CDH12: variants seen among roughly 807,000 people sequenced by gnomAD.
The protein encoded by CDH12 is cadherin 12.
Under a neutral mutation model 74.1 loss-of-function variants are expected in CDH12, and 41 were observed. The observed-to-expected ratio is 0.55, with a 90% CI of 0.43 to 0.72. The LOEUF (loss-of-function observed/expected upper bound fraction) is 0.72, where lower values mean the gene tolerates loss of function less well. CDH12 is among the 30% of genes least tolerant of loss of function. The probability of loss-of-function intolerance (pLI) is 0.00; values close to 1 mark genes in which losing one functional copy is unlikely to be tolerated. For synonymous variants in CDH12, 399 were observed against 355.0 expected (o/e 1.12, Z -1.39); for missense variants, 945 against 977.2 (o/e 0.97, Z 0.44).
chr5:22,516,820 T>C (rs1291877242), intron 1 of CDH12, among the ~76,000 whole-genome samples: 1 of 151,400 alleles, frequency 6.6e-6, no homozygotes, highest in African/African-American at 2.4e-5. Context: ...AGTAAAATTG[T>C]GGCATATTAA....
intron 3 of CDH12, among the ~76,000 whole-genome samples, chr5:22,326,230 T>A (rs1313219612): frequency 2.1e-5 from 1 of 47,086 alleles, no homozygotes; most frequent in Non-Finnish European, 4.5e-5. Flanking sequence ...AGTTGGCTAT[T>A]TTTTTTTTTT....
At chr5:22,609,059 T>C (rs1737263954) in intron 1 of CDH12, among the ~76,000 whole-genome samples, 1 of 152,084 alleles carries the variant, frequency 6.6e-6, no homozygotes, top group Non-Finnish European at 1.5e-5. Flanking sequence ...CCAGATTGTG[T>C]GCATGCATGT....
intron 2 of CDH12, among the ~76,000 whole-genome samples, chr5:22,453,277 T>C (rs980901363): frequency 2.3e-4 from 35 of 152,114 alleles, no homozygotes; most frequent in Admixed American, 2.0e-4. Flanking sequence ...AAGAAATGTT[T>C]GTAGTCCTGT....
intron 6 of CDH12, among the ~76,000 whole-genome samples, chr5:21,904,516 C>G (rs1285355826): frequency 2.0e-5 from 3 of 152,118 alleles, no homozygotes; most frequent in African/African-American, 7.2e-5. Flanking sequence ...TGTCTGTAAT[C>G]CCAGCACTTT....
intron 1 of CDH12, among the ~76,000 whole-genome samples, chr5:22,731,881 T>C (rs1744445656): frequency 6.6e-6 from 1 of 151,816 alleles, no homozygotes; most frequent in African/African-American, 2.4e-5. Flanking sequence ...AATTGCATAG[T>C]TGAATTGCTT....
intron 3 of CDH12, among the ~76,000 whole-genome samples, chr5:22,352,615 G>C (rs998825195): frequency 6.6e-6 from 1 of 152,004 alleles, no homozygotes; most frequent in Non-Finnish European, 1.5e-5. Flanking sequence ...CAGTGCTTTG[G>C]GAAATAAAAT....
At chr5:22,040,317 C>A (rs1739487753) in intron 5 of CDH12, among the ~76,000 whole-genome samples, 1 of 151,878 alleles carries the variant, frequency 6.6e-6, no homozygotes, top group African/African-American at 2.4e-5. Context: ...TATGGGATAC[C>A]ATTAAATGCA....
chr5:21,826,173 C>T (rs1748659113), intron 8 of CDH12, among the ~76,000 whole-genome samples: 1 of 152,106 alleles, frequency 6.6e-6, no homozygotes, highest in African/African-American at 2.4e-5. Flanking sequence ...TAACTCCAGC[C>T]TATATTCAGC....
At chr5:22,311,120 T>C (rs1456540452) in intron 3 of CDH12, among the ~76,000 whole-genome samples, 1 of 152,168 alleles carries the variant, frequency 6.6e-6, no homozygotes, top group African/African-American at 2.4e-5. Context: ...GTTACAAATG[T>C]GGATCTAAAG....
chr5:21,933,459 C>T (rs879707550), intron 6 of CDH12, among the ~76,000 whole-genome samples: 4 of 152,110 alleles, frequency 2.6e-5, no homozygotes, highest in Admixed American at 2.6e-4. Flanking sequence ...AATAAAACAG[C>T]ACTTCTAAAT....
At chr5:22,272,967 G>T (rs1470664938) in intron 3 of CDH12, among the ~76,000 whole-genome samples, 1 of 152,170 alleles carries the variant, frequency 6.6e-6, no homozygotes, top group Non-Finnish European at 1.5e-5. Context: ...AGAGAGAGAA[G>T]TGCCAGCAAG....
chr5:22,722,017 C>T (rs1285972506), intron 1 of CDH12, among the ~76,000 whole-genome samples: 3 of 152,120 alleles, frequency 2.0e-5, no homozygotes, highest in Non-Finnish European at 4.4e-5. Context: ...TGGACTAGTA[C>T]AGACACTTCT....
chr5:22,744,378 G>C (rs1249376030), intron 1 of CDH12, among the ~76,000 whole-genome samples: 3 of 151,750 alleles, frequency 2.0e-5, no homozygotes, highest in Admixed American at 1.3e-4. Flanking sequence ...GCAGTGAGCT[G>C]AGATTGCGCC....
At chr5:22,634,091 G>A (rs1239987362) in intron 1 of CDH12, among the ~76,000 whole-genome samples, 2 of 151,778 alleles carry the variant, frequency 1.3e-5, no homozygotes, top group African/African-American at 4.8e-5. Context: ...AAACCACTAA[G>A]ACAATTAACT....
At chr5:22,274,554 G>C (rs1736540664) in intron 3 of CDH12, among the ~76,000 whole-genome samples, 1 of 151,918 alleles carries the variant, frequency 6.6e-6, no homozygotes, top group Non-Finnish European at 1.5e-5. Flanking sequence ...ATGAATTTAT[G>C]TGTGTATCAT....
At chr5:22,178,780 C>T (rs1224829157) in intron 4 of CDH12, among the ~76,000 whole-genome samples, 1 of 152,212 alleles carries the variant, frequency 6.6e-6, no homozygotes, top group Non-Finnish European at 1.5e-5. Context: ...ATATAATAGA[C>T]ATGAAAATGT....
intron 1 of CDH12, among the ~76,000 whole-genome samples, chr5:22,823,818 C>G (rs1749859116): frequency 6.6e-6 from 1 of 152,114 alleles, no homozygotes; most frequent in African/African-American, 2.4e-5. Flanking sequence ...GCCTGCTTCC[C>G]TTTCTGCCAT....
Position 22,740,693 on chromosome 5 carries a change from T to C in CDH12, c.-523+112365A>G, listed in dbSNP as rs367806513. On this transcript the variant is annotated intron_variant, in intron 1 of 14. Coordinates refer to ENST00000382254, the MANE Select transcript of CDH12 (RefSeq NM_004061.5). Reference sequence around the variant, plus strand: ...ATCATGTACATTTTGGAATCTGTTATTGATTCCTTCCATAGATGTTTTAAA... The same window carrying C: ...ATCATGTACATTTTGGAATCTGTTACTGATTCCTTCCATAGATGTTTTAAA... 7.2e-5 allele frequency among the ~76,000 whole-genome samples: 11 copies of C among 152,228 alleles called. No individual in the cohort carries two copies. The East Asian group carries it at 1.5e-3, about 21-fold the overall frequency.
At position 22,223,092 on chromosome 5, in the gene CDH12, G is replaced by T. The variant is rs1006780485; in HGVS notation, c.-332-10449C>A. ...ATTATTAAGTGGACGTCTTAGCTAA[G>T]GGTCTCTATAAAGACTGCCCTCAGA... On this transcript the variant is annotated intron_variant, in intron 3 of 14. Transcript: ENST00000382254. 7.2e-5 allele frequency among the ~76,000 whole-genome samples: 11 copies of T among 152,040 alleles called. No homozygotes were observed. The East Asian group carries it at 2.1e-3, about 29-fold the overall frequency.
Sources: allele counts gnomAD v4.1 joint callset (sites outside exome capture counted in the v4.1 genomes callset), GRCh38; gene constraint gnomAD v4.1.1; transcripts MANE v1.5; gene names NCBI Gene and HGNC (gene_info 2026-07-23, HGNC 2026-07-21).